ERAP1: variants seen among roughly 807,000 people sequenced by gnomAD.
ERAP1 encodes endoplasmic reticulum aminopeptidase 1.
A neutral mutation model predicts 103.7 loss-of-function variants in ERAP1; 86 were observed. The ratio of observed to expected loss-of-function variants is 0.83; its 90% CI spans 0.70 to 0.99. The LOEUF is 0.99. Ranked by LOEUF, ERAP1 falls within the 50% of genes least tolerant of loss-of-function variation. The pLI is 0.00. For synonymous variants in ERAP1, 398 were observed against 402.4 expected, an observed-to-expected ratio of 0.99 and a Z score of 0.13; for missense variants, 1,009 against 1,128.4, an observed-to-expected ratio of 0.89 and a Z score of 1.52.
the ERAP1 span, among the ~76,000 whole-genome samples, chr5:96,929,654 T>C: frequency 1.4e-4 from 22 of 152,242 alleles, no homozygotes; most frequent in African/African-American, 4.8e-4. Flanking sequence ...ACAGGCATGC[T>C]TGGCATATGT....
the ERAP1 span, among the ~76,000 whole-genome samples, chr5:96,911,406 C>T: frequency 2.0e-5 from 3 of 152,264 alleles, no homozygotes; most frequent in African/African-American, 4.8e-5. Context: ...AGAATAAAAA[C>T]TGGTTAATGT....
rs373534202 is a variant in ERAP1 at position 96,762,252 on chromosome 5, A to G, written c.*948T>C. On this transcript the variant is annotated 3_prime_UTR_variant, in exon 20 of 20. Coordinates refer to the ERAP1 transcript ENST00000296754. ...TAATTTTATATACAACATGTTACTA[A>G]TAAAATTTTTTTCAATAAAAGAAAT... 6.2e-4 allele frequency: 951 copies of G among 1,542,792 alleles called. 1 individual carries two copies. Among genetic ancestry groups the G allele is most frequent in the Non-Finnish European group, 8.2e-4 (925 of 1,125,868 alleles).
intron 3 of ERAP1, among the ~76,000 whole-genome samples, chr5:96,798,280 A>C (rs1015656602): frequency 7.1e-6 from 1 of 140,602 alleles, no homozygotes; most frequent in Non-Finnish European, 1.5e-5. Flanking sequence ...AGCCGAGATC[A>C]CGCCACTGCA....
At chr5:96,889,107 T>C in the ERAP1 span, 2 of 1,548,818 alleles carry the variant, frequency 1.3e-6, no homozygotes, top group Non-Finnish European at 1.8e-6. Context: ...TCTGCCTTTC[T>C]GTGTGAGAGG....
chr5:96,864,861 A>G, the ERAP1 span, among the ~76,000 whole-genome samples: 1 of 152,154 alleles, frequency 6.6e-6, no homozygotes, highest in African/African-American at 2.4e-5. Context: ...AACTATAAAA[A>G]TATTATCAAA....
chr5:96,929,472 T>G, the ERAP1 span, among the ~76,000 whole-genome samples: 17 of 152,024 alleles, frequency 1.1e-4, no homozygotes, highest in Non-Finnish European at 2.4e-4. Flanking sequence ...TCCTTCCTTT[T>G]TTTTCTTCCT....
the ERAP1 span, among the ~76,000 whole-genome samples, chr5:96,852,045 C>T: frequency 1.2e-4 from 18 of 152,260 alleles, no homozygotes; most frequent in African/African-American, 4.3e-4. Context: ...AGCCCCCAAC[C>T]CCAAAAAGCG....
At chr5:96,887,065 T>C in the ERAP1 span, among the ~76,000 whole-genome samples, 1 of 128,090 alleles carries the variant, frequency 7.8e-6, no homozygotes, top group Non-Finnish European at 1.7e-5. Flanking sequence ...GTAAAGGTAA[T>C]TTTCAAAGTA....
chr5:96,884,358 C>T, the ERAP1 span, among the ~76,000 whole-genome samples: 2 of 152,152 alleles, frequency 1.3e-5, no homozygotes, highest in Non-Finnish European at 2.9e-5. Context: ...TTCTACCTTT[C>T]CAACAAGCCT....
In ERAP1 at chr5:96,774,727, T is replaced by TG. The variant is rs1773738100; in HGVS notation, c.*1668dup. The TG allele has an allele frequency of 1.0e-6, 1 of 983,168 alleles. No individual in the cohort carries two copies. Among genetic ancestry groups the TG allele is most frequent in the Non-Finnish European group, 1.2e-6 (1 of 827,748 alleles). 60.9% of individuals were successfully genotyped at this position (983,168 alleles called of 1,614,324 possible). On this transcript the variant is annotated 3_prime_UTR_variant, in exon 19 of 19. Coordinates refer to ENST00000443439, the MANE Select transcript of ERAP1 (RefSeq NM_001040458.3). ...TTAAAAGAAGGGAAATAGTTTAGTTTGGGGTGGAAATTACCAGTGATTTCT... is the reference window on the plus strand; with the variant it reads ...TTAAAAGAAGGGAAATAGTTTAGTTTGGGGGTGGAAATTACCAGTGATTTCT...
the ERAP1 span, among the ~76,000 whole-genome samples, chr5:96,920,318 AAAAG>A: frequency 6.6e-6 from 1 of 151,518 alleles, no homozygotes; most frequent in Admixed American, 6.6e-5. Flanking sequence ...AAAAAAAAAA[AAAAG>A]GAGTCTAACT....
In ERAP1 at chr5:96,786,496, T is replaced by C. The variant is rs759881381; in HGVS notation, c.1733A>G (p.His578Arg). The change falls in exon 12 of 19, where the codon CAT becomes CGT. Residue 578 changes from histidine (H) to arginine (R), a missense_variant. Physicochemically the swap from His to Arg is conservative, Grantham distance 29. Transcript: ENST00000443439. ...TGTTTTTGTTTTTAGCAAAAATCGA[T>C]GGACCATGTCGGATTTGCTGGTGAT... is the stretch of plus-strand genomic sequence containing the variant. ...TFITSKSDMV[H>R]RFLLKTKTDV... 1.2e-6 allele frequency: 2 copies of C among 1,613,068 alleles called. No individual in the cohort carries two copies. The highest frequency in any genetic ancestry group is 3.3e-5 in the Admixed American group (2 of 60,020).
the ERAP1 span, among the ~76,000 whole-genome samples, chr5:96,887,092 T>C: frequency 1.9e-4 from 19 of 99,092 alleles, no homozygotes; most frequent in East Asian, 3.4e-4. Context: ...TATATATATA[T>C]ATATATATAC....
At chr5:96,781,282 GAA>G in intron 16 of ERAP1, 84 bp from the exon 17 acceptor site, 1 of 1,422,200 alleles carries the variant, frequency 7.0e-7, no homozygotes, top group Non-Finnish European at 9.7e-7. Flanking sequence ...ACTTGTAAAA[GAA>G]AAAAAAGTCT....
At chr5:96,866,529 C>T in the ERAP1 span, among the ~76,000 whole-genome samples, 6 of 152,190 alleles carry the variant, frequency 3.9e-5, no homozygotes, top group Admixed American at 6.5e-5. Flanking sequence ...CCGGTTGATA[C>T]GCCATCCCAG....
Position 96,775,734 on chromosome 5 carries a change from C to T in ERAP1, c.*662G>A, listed in dbSNP as rs780973310. 9.9e-6 allele frequency: 2 copies of T among 201,008 alleles called. No homozygotes were observed. Among genetic ancestry groups the T allele is most frequent in the Admixed American group, 6.5e-5 (1 of 15,384 alleles). The allele number at this position is 201,008 out of a possible 1,614,324, so 12.5% of individuals were successfully genotyped here. A position where few individuals can be genotyped will look rare whatever the true frequency, so the allele number is the denominator to read the frequency against. ...CTGTGTGGAAAAGAGGGTCCCCTCT[C>T]GGAGCTAAGACCCTCAGGGGAGGCC... is the stretch of plus-strand genomic sequence containing the variant. On this transcript the variant is annotated 3_prime_UTR_variant, in exon 19 of 19. Coordinates refer to ENST00000443439, the MANE Select transcript of ERAP1 (RefSeq NM_001040458.3).
At chr5:96,928,375 G>A in the ERAP1 span, among the ~76,000 whole-genome samples, 1 of 152,196 alleles carries the variant, frequency 6.6e-6, no homozygotes, top group South Asian at 2.1e-4. Flanking sequence ...AGATGTATTA[G>A]TTAAGATAAG....
At chr5:96,797,065 G>A in intron 4 of ERAP1, 110 bp downstream of exon 4, 1 of 1,306,814 alleles carries the variant, frequency 7.7e-7, no homozygotes, top group Non-Finnish European at 1.1e-6. Flanking sequence ...TTGGGTTTAT[G>A]TTGGGTTTAC....
chr5:96,907,683 A>G, the ERAP1 span, among the ~76,000 whole-genome samples: 12 of 151,930 alleles, frequency 7.9e-5, no homozygotes, highest in Non-Finnish European at 1.2e-4. Context: ...GGAGTTCAAG[A>G]CCAGCCTGGC....
Sources: gnomAD v4.1 joint callset for allele counts (sites outside exome capture counted in the v4.1 genomes callset) on GRCh38, gnomAD v4.1.1 for gene constraint, MANE v1.5 for transcripts, NCBI Gene and HGNC (gene_info 2026-07-23, HGNC 2026-07-21) for gene names.